Variants in FHIP1A observed in about 807,000 individuals in gnomAD.
FHIP1A encodes FHF complex subunit HOOK interacting protein 1A.
FHIP1A carries 61 observed loss-of-function variants against 88.6 expected under a neutral mutation model. That is an observed-to-expected ratio of 0.69 (90% confidence interval 0.56 to 0.85). The LOEUF is 0.85. FHIP1A is among the 40% of genes least tolerant of loss of function. The pLI, the probability that FHIP1A is intolerant of heterozygous loss-of-function variation, is 0.00. For synonymous variants in FHIP1A, 478 were observed against 496.0 expected (o/e 0.96, Z 0.48); for missense variants, 1,154 against 1,273.5 (o/e 0.91, Z 1.43).
intron 13 of FHIP1A, among the ~76,000 whole-genome samples, chr4:151,658,442 T>C (rs2126927111): frequency 6.6e-6 from 1 of 152,286 alleles, no homozygotes; most frequent in Non-Finnish European, 1.5e-5. Flanking sequence ...GGCTGTTGGC[T>C]GGAGTGATGG....
intron 3 of FHIP1A, among the ~76,000 whole-genome samples, chr4:151,512,605 A>G (rs1034791211): frequency 1.2e-4 from 19 of 152,238 alleles, no homozygotes; most frequent in Non-Finnish European, 2.5e-4. Flanking sequence ...AGAAGTGCTT[A>G]AAGGAGCTGA....
chr4:151,543,257 T>A (rs529030084), intron 3 of FHIP1A, among the ~76,000 whole-genome samples: 104 of 152,280 alleles, frequency 6.8e-4, no homozygotes, highest in Non-Finnish European at 1.2e-3. Flanking sequence ...TCTGTGCTCT[T>A]AAGCACTGTA....
intron 1 of FHIP1A, among the ~76,000 whole-genome samples, chr4:151,410,115 C>A (rs539555806): frequency 1.5e-4 from 23 of 152,296 alleles, no homozygotes; most frequent in South Asian, 1.2e-3. Context: ...TTATTTCAGG[C>A]CTGGTCAGAG....
chr4:151,566,001 A>G (rs1021484447), intron 3 of FHIP1A, 137 bp from the exon 4 acceptor site: 7 of 258,042 alleles, frequency 2.7e-5, no homozygotes, highest in Non-Finnish European at 3.7e-5. Context: ...CTTTAGATTG[A>G]GTATAATATC....
chr4:151,552,432 T>C (rs1238906919), intron 3 of FHIP1A, among the ~76,000 whole-genome samples: 1 of 152,088 alleles, frequency 6.6e-6, no homozygotes, highest in African/African-American at 2.4e-5. Flanking sequence ...AACCCAAATG[T>C]CCATCAATGA....
chr4:151,627,511 T>C (rs1416358539), intron 7 of FHIP1A, among the ~76,000 whole-genome samples: 2 of 152,356 alleles, frequency 1.3e-5, no homozygotes, highest in East Asian at 1.9e-4. Context: ...GCTGAAAATA[T>C]TGTGTTACAG....
chr4:151,670,078 T>G lies in FHIP1A; in HGVS notation c.*7324T>G, dbSNP rs1311611622. On this transcript the variant is annotated 3_prime_UTR_variant, in exon 14 of 14. Coordinates refer to ENST00000435205, the MANE Select transcript of FHIP1A (RefSeq NM_001109977.3). Reference sequence around the variant, plus strand: ...CAAGGCCTCCAAGGATTTTATTCTCTTACATCACAGTTTTGACAAGTATGC... The same window carrying G: ...CAAGGCCTCCAAGGATTTTATTCTCGTACATCACAGTTTTGACAAGTATGC... 6.6e-6 allele frequency: 1 copy of G among 152,224 alleles called. No individual in the cohort carries two copies. Among genetic ancestry groups the G allele is most frequent in the Non-Finnish European group, 1.5e-5 (1 of 68,054 alleles). The allele number at this position is 152,224 out of a possible 1,614,324, so 9.4% of individuals were successfully genotyped here. A position where few individuals can be genotyped will look rare whatever the true frequency, so the allele number is the denominator to read the frequency against.
chr4:151,593,363 A>G (rs1345466255), intron 7 of FHIP1A, among the ~76,000 whole-genome samples: 3 of 152,176 alleles, frequency 2.0e-5, no homozygotes, highest in African/African-American at 7.2e-5. Flanking sequence ...CAGTATGGCC[A>G]TTTTCATGAT....
At chr4:151,539,140 C>T (rs1728154020) in intron 3 of FHIP1A, among the ~76,000 whole-genome samples, 1 of 152,250 alleles carries the variant, frequency 6.6e-6, no homozygotes, top group African/African-American at 2.4e-5. Flanking sequence ...TGTAGCACTT[C>T]TCCCCCAAAG....
At chr4:151,530,319 G>T (rs1731826437) in intron 3 of FHIP1A, among the ~76,000 whole-genome samples, 1 of 152,020 alleles carries the variant, frequency 6.6e-6, no homozygotes, top group South Asian at 2.1e-4. Context: ...GCACATGGAG[G>T]CCCGAGACCA....
At chr4:151,480,715 A>T (rs1729862150) in intron 2 of FHIP1A, among the ~76,000 whole-genome samples, 1 of 151,990 alleles carries the variant, frequency 6.6e-6, no homozygotes, top group South Asian at 2.1e-4. Context: ...GAATATGAAG[A>T]ATTTGTTTTT....
rs199703871 is a variant in FHIP1A at position 151,642,929 on chromosome 4, ATATT to A, written c.1227-3628_1227-3625del. 3.7e-3 allele frequency among the ~76,000 whole-genome samples: 554 copies of A among 149,556 alleles called. 4 individuals are homozygous for A. Among genetic ancestry groups the A allele is most frequent in the African/African-American group, 1.0e-2 (408 of 40,998 alleles). Reference sequence around the variant, plus strand: ...TATATATGATACATATTTTATTTATATATTATATATATATTTTTCTTTTTTTCCT... The same window carrying A: ...TATATATGATACATATTTTATTTATAATATATATATTTTTCTTTTTTTCCT... On this transcript the variant is annotated intron_variant, in intron 9 of 13. Coordinates refer to ENST00000435205, the MANE Select transcript of FHIP1A (RefSeq NM_001109977.3).
At chr4:151,613,891 G>A (rs527986822) in intron 7 of FHIP1A, among the ~76,000 whole-genome samples, 10 of 152,220 alleles carry the variant, frequency 6.6e-5, no homozygotes, top group South Asian at 2.1e-4. Flanking sequence ...GGCTGGATGC[G>A]GTGGCTCATG....
At chr4:151,586,403 A>G (rs949833001) in intron 5 of FHIP1A, among the ~76,000 whole-genome samples, 1 of 152,156 alleles carries the variant, frequency 6.6e-6, no homozygotes, top group Non-Finnish European at 1.5e-5. Context: ...CATACCAACC[A>G]TGTGTATATT....
At chr4:151,501,178 G>A (rs1730637115) in intron 3 of FHIP1A, among the ~76,000 whole-genome samples, 2 of 152,070 alleles carry the variant, frequency 1.3e-5, no homozygotes, top group South Asian at 4.1e-4. Context: ...GGGCAATTTG[G>A]GACATTTGGA....
chr4:151,430,462 A>G (rs915572021), intron 1 of FHIP1A, among the ~76,000 whole-genome samples: 5 of 152,198 alleles, frequency 3.3e-5, no homozygotes, highest in Non-Finnish European at 7.3e-5. Context: ...TATTTATTCA[A>G]TATTTTCATT....
chr4:151,606,437 C>T (rs1164260719), intron 7 of FHIP1A, among the ~76,000 whole-genome samples: 1 of 152,176 alleles, frequency 6.6e-6, no homozygotes, highest in Non-Finnish European at 1.5e-5. Context: ...TAAGATGCCA[C>T]CTTGGCTTTG....
At chr4:151,412,114 C>CT (rs960476705) in intron 1 of FHIP1A, among the ~76,000 whole-genome samples, 2 of 152,046 alleles carry the variant, frequency 1.3e-5, no homozygotes, top group Admixed American at 6.5e-5. Flanking sequence ...TAATAAGGGA[C>CT]TTTTTTGAGA....
chr4:151,656,161 G>T lies in FHIP1A; in HGVS notation c.2552-71G>T. 1 of 1,278,654 alleles carries T rather than the reference G, an allele frequency of 7.8e-7. No homozygotes were observed. Among genetic ancestry groups the T allele is most frequent in the Non-Finnish European group, 1.1e-6 (1 of 910,634 alleles). 79.2% of individuals were successfully genotyped at this position (1,278,654 alleles called of 1,614,324 possible). A position where few individuals can be genotyped will look rare whatever the true frequency, so the allele number is the denominator to read the frequency against. On this transcript the variant is annotated intron_variant, in intron 11 of 13. Coordinates refer to ENST00000435205, the MANE Select transcript of FHIP1A (RefSeq NM_001109977.3). The surrounding 1 kb of genome is among the most constrained non-coding windows in gnomAD (Gnocchi z 4.2). ...TGGTTTGGGAGATGTGGCACCGATGGTTCTGCAATTGTCAGGGAAAGGCAT... is the reference window on the plus strand; with the variant it reads ...TGGTTTGGGAGATGTGGCACCGATGTTTCTGCAATTGTCAGGGAAAGGCAT...
Sources: gnomAD v4.1 joint callset for allele counts (sites outside exome capture counted in the v4.1 genomes callset) on GRCh38, gnomAD v4.1.1 for gene constraint, Gnocchi (gnomAD v3.1) non-coding constraint, MANE v1.5 for transcripts, NCBI Gene and HGNC (gene_info 2026-07-23, HGNC 2026-07-21) for gene names.